Variants in LDLRAD4 observed in about 807,000 individuals in gnomAD.
LDLRAD4 encodes the protein low density lipoprotein receptor class A domain containing 4, also known as low-density lipoprotein receptor class A domain-containing protein 4.
Under a neutral mutation model 17.0 loss-of-function variants are expected in LDLRAD4, and 5 were observed. The ratio of observed to expected loss-of-function variants is 0.29; its 90% CI spans 0.15 to 0.62. LDLRAD4 has a LOEUF of 0.62. Among genes scored for constraint, LDLRAD4 ranks in the 20% least tolerant of loss-of-function variants. The probability of loss-of-function intolerance (pLI) is 0.84; values close to 1 mark genes in which losing one functional copy is unlikely to be tolerated. For missense variants in LDLRAD4, 340 were observed against 424.7 expected (o/e 0.80, Z 1.75); for synonymous variants, 168 against 171.8 (o/e 0.98, Z 0.17).
At chr18:13,609,086 AGAT>A (rs1376346408) in intron 3 of LDLRAD4, among the ~76,000 whole-genome samples, 1 of 152,248 alleles carries the variant, frequency 6.6e-6, no homozygotes, top group Non-Finnish European at 1.5e-5. Context: ...TGCGATGTAA[AGAT>A]GATGAGGGAG....
intron 1 of LDLRAD4, among the ~76,000 whole-genome samples, chr18:13,267,833 A>G (rs2044305683): frequency 1.3e-5 from 2 of 152,226 alleles, no homozygotes; most frequent in Admixed American, 6.5e-5. Flanking sequence ...TGAGTCACCC[A>G]CTGTCCTTCC....
At chr18:13,246,554 T>C (rs1435174053) in intron 1 of LDLRAD4, among the ~76,000 whole-genome samples, 1 of 152,242 alleles carries the variant, frequency 6.6e-6, no homozygotes, top group East Asian at 1.9e-4. Flanking sequence ...CAGTGCCATA[T>C]AAAATGCAGA....
intron 3 of LDLRAD4, among the ~76,000 whole-genome samples, chr18:13,450,742 A>G (rs77897163): frequency 1.3e-5 from 2 of 152,208 alleles, no homozygotes; most frequent in Non-Finnish European, 2.9e-5. Flanking sequence ...GACAGAAGGA[A>G]CATCTTACTA....
chr18:13,621,002 A>C lies in LDLRAD4; in HGVS notation c.182-115A>C, dbSNP rs1005528280. On this transcript the variant is annotated intron_variant, in intron 3 of 5. Coordinates refer to ENST00000359446, the Ensembl canonical transcript of LDLRAD4. The surrounding 1 kb of genome is among the most constrained non-coding windows in gnomAD (Gnocchi z 5.5). The stretch of plus-strand genomic sequence containing the variant: ...TTCTGTGTCCTGCTGGCCTCTGAGG[A>C]ACAGACGTGTGTGAGAGGCCTTCAG... 7.0e-6 allele frequency: 10 copies of C among 1,425,484 alleles called. No homozygotes were observed. In the Admixed American group the frequency reaches 1.2e-4, roughly 17 times the overall value. 88.3% of individuals were successfully genotyped at this position (1,425,484 alleles called of 1,614,324 possible).
intron 1 of LDLRAD4, among the ~76,000 whole-genome samples, chr18:13,282,866 G>A (rs2045364782): frequency 6.6e-6 from 1 of 152,244 alleles, no homozygotes; most frequent in Admixed American, 6.5e-5. Context: ...ACTTTTGCCT[G>A]GGCATCTAGG....
chr18:13,494,053 G>C (rs1054909706), intron 3 of LDLRAD4, among the ~76,000 whole-genome samples: 1 of 152,234 alleles, frequency 6.6e-6, no homozygotes, highest in Non-Finnish European at 1.5e-5. Context: ...CCTCCTTCCT[G>C]GGCTCGGAGC....
chr18:13,625,987 G>A (rs75443793), intron 4 of LDLRAD4, among the ~76,000 whole-genome samples: 1,628 of 151,736 alleles, frequency 0.011, 27 homozygotes, highest in African/African-American at 0.038. Context: ...AACCTTTGTC[G>A]CCATGCGGTA....
chr18:13,329,314 G>C (rs1229717991), intron 1 of LDLRAD4, among the ~76,000 whole-genome samples: 1 of 152,170 alleles, frequency 6.6e-6, no homozygotes, highest in Non-Finnish European at 1.5e-5. Flanking sequence ...TTTGCCAACA[G>C]AGCATGTTAT....
chr18:13,431,922 G>A (rs141488882), intron 2 of LDLRAD4, among the ~76,000 whole-genome samples: 16 of 152,336 alleles, frequency 1.1e-4, no homozygotes, highest in African/African-American at 3.8e-4. Context: ...GAACGGGAAT[G>A]TCAGCCCGTC....
chr18:13,257,081 C>G (rs1357235869), intron 1 of LDLRAD4, among the ~76,000 whole-genome samples: 1 of 152,214 alleles, frequency 6.6e-6, no homozygotes, highest in Non-Finnish European at 1.5e-5. Context: ...TGAGCTGTCA[C>G]AAATCATTTC....
At chr18:13,487,124 A>T (rs1322749293) in intron 3 of LDLRAD4, 4 of 152,214 alleles carry the variant, frequency 2.6e-5, no homozygotes, top group Non-Finnish European at 5.9e-5. Flanking sequence ...CTTACATGAA[A>T]CTTTGATGAG....
intron 1 of LDLRAD4, among the ~76,000 whole-genome samples, chr18:13,374,608 A>G (rs1349253680): frequency 6.6e-6 from 1 of 152,246 alleles, no homozygotes; most frequent in Non-Finnish European, 1.5e-5. Context: ...GCCGTGCATC[A>G]GAATCACCTT....
chr18:13,237,464 C>T (rs1053509508), intron 1 of LDLRAD4, among the ~76,000 whole-genome samples: 10 of 152,130 alleles, frequency 6.6e-5, no homozygotes, highest in African/African-American at 2.2e-4. Flanking sequence ...CAGTGACTGC[C>T]GGGTGGCTGA....
At chr18:13,387,967 T>A (rs535710055) in intron 2 of LDLRAD4, among the ~76,000 whole-genome samples, 1 of 152,338 alleles carries the variant, frequency 6.6e-6, no homozygotes, top group Non-Finnish European at 1.5e-5. Context: ...GAAAAAGTGT[T>A]TGACACTTTT....
At chr18:13,544,623 C>T (rs894083424) in intron 3 of LDLRAD4, among the ~76,000 whole-genome samples, 1 of 152,144 alleles carries the variant, frequency 6.6e-6, no homozygotes, top group East Asian at 1.9e-4. Flanking sequence ...AGAGCTCTCG[C>T]GAAGCTGTGC....
chr18:13,511,738 C>T lies in LDLRAD4; in HGVS notation c.181+73354C>T, dbSNP rs148070576. On this transcript the variant is annotated intron_variant, in intron 3 of 5. Transcript: ENST00000359446. ...AAGGCGGGGACATGGGTACAGGTGC[C>T]GGAACAGCCCCAGCATTGGTTCTCC... is the stretch of plus-strand genomic sequence containing the variant. 1.2e-3 allele frequency among the ~76,000 whole-genome samples: 189 copies of T among 152,248 alleles called. No homozygotes were observed. The East Asian group carries it at 0.019, about 15-fold the overall frequency.
At chr18:13,545,816 C>T (rs2094353923) in intron 3 of LDLRAD4, among the ~76,000 whole-genome samples, 2 of 152,154 alleles carry the variant, frequency 1.3e-5, no homozygotes, top group Non-Finnish European at 2.9e-5. Context: ...AACATGTAAC[C>T]ACAGCTCAAA....
rs1313815157 is a variant in LDLRAD4 at position 13,532,897 on chromosome 18, G to A, written c.182-88220G>A. On this transcript the variant is annotated intron_variant, in intron 3 of 5. Coordinates refer to ENST00000359446, the Ensembl canonical transcript of LDLRAD4. ...GCTGAGGGTCAGGGGCCCTGTCCTG[G>A]GCAGGGGCCGTGGAAGGAGCCCTTG... 2.0e-5 allele frequency among the ~76,000 whole-genome samples: 3 copies of A among 152,232 alleles called. No homozygotes were observed. In the East Asian group the frequency reaches 5.8e-4, roughly 29 times the overall value.
At chr18:13,462,637 A>C (rs1419996141) in intron 3 of LDLRAD4, among the ~76,000 whole-genome samples, 1 of 152,200 alleles carries the variant, frequency 6.6e-6, no homozygotes, top group Non-Finnish European at 1.5e-5. Flanking sequence ...ACTGATACAA[A>C]TTCTTCTATG....
Sources: allele counts gnomAD v4.1 joint callset (sites outside exome capture counted in the v4.1 genomes callset), GRCh38; gene constraint gnomAD v4.1.1; non-coding constraint Gnocchi (gnomAD v3.1); transcripts MANE v1.5; gene names NCBI Gene and HGNC (gene_info 2026-07-23, HGNC 2026-07-21).